The following CPPED1 variants were observed in gnomAD, a reference collection of about 807,000 sequenced individuals.
CPPED1 encodes calcineurin like phosphoesterase domain containing 1.
Under a neutral mutation model 28.0 loss-of-function variants are expected in CPPED1, and 28 were observed. That is an observed-to-expected ratio of 1.00 (90% CI 0.74 to 1.37). The LOEUF is 1.37. Among genes scored for constraint, CPPED1 ranks in the 40% most tolerant of loss-of-function variants. CPPED1 has a pLI of 0.00. For missense variants in CPPED1, 504 were observed against 416.5 expected (o/e 1.21, Z -1.83); for synonymous variants, 198 against 180.2 (o/e 1.10, Z -0.79).
intron 1 of CPPED1, among the ~76,000 whole-genome samples, chr16:12,788,281 G>A (rs1567306945): frequency 6.6e-6 from 1 of 152,196 alleles, no homozygotes; most frequent in Non-Finnish European, 1.5e-5. Flanking sequence ...ATGAACACCT[G>A]GAGGTGAAAT....
At chr16:12,668,368 A>T (rs2079836676) in intron 3 of CPPED1, among the ~76,000 whole-genome samples, 1 of 152,226 alleles carries the variant, frequency 6.6e-6, no homozygotes, top group Non-Finnish European at 1.5e-5. Context: ...TGGAAACTTA[A>T]AGCATATATA....
intron 2 of CPPED1, chr16:12,757,379 G>C (rs112484621): frequency 3.2e-4 from 49 of 152,126 alleles, no homozygotes; most frequent in African/African-American, 1.2e-3. Context: ...TCGGCCTACA[G>C]GGTTTGCCTA....
chr16:12,712,234 A>AACAT (rs1215921034), intron 2 of CPPED1, among the ~76,000 whole-genome samples: 1 of 152,146 alleles, frequency 6.6e-6, no homozygotes, highest in African/African-American at 2.4e-5. Context: ...CAGCCCTAAG[A>AACAT]GGTCCCTGGA....
rs149446826 is a variant in CPPED1, at chr16:12,759,861, T to C, written c.289+21324A>G. Among the ~76,000 whole-genome samples, 675 of 152,356 alleles carry C rather than the reference T, an allele frequency of 4.4e-3. 7 individuals carry two copies. The highest frequency in any genetic ancestry group is 0.02 in the Middle Eastern group (6 of 294). ...TGGAACTGTGAGACAATTAAACCCG[T>C]ATCAGGTGGTATCCTTATATCAGTG... On this transcript the variant is annotated intron_variant, in intron 2 of 3. Coordinates refer to ENST00000381774, the MANE Select transcript of CPPED1 (RefSeq NM_018340.3).
At chr16:12,689,115 T>C (rs184737278) in intron 3 of CPPED1, among the ~76,000 whole-genome samples, 27 of 152,104 alleles carry the variant, frequency 1.8e-4, no homozygotes, top group Admixed American at 7.9e-4. Flanking sequence ...CAGAGTACAA[T>C]GAGCTGTGGT....
intron 2 of CPPED1, among the ~76,000 whole-genome samples, chr16:12,730,254 G>A (rs2080190478): frequency 6.6e-6 from 1 of 152,022 alleles, no homozygotes; most frequent in Admixed American, 6.6e-5. Flanking sequence ...CTCCCACCTT[G>A]GCCTCCCAAA....
At chr16:12,689,186 C>G (rs1433686116) in intron 3 of CPPED1, among the ~76,000 whole-genome samples, 1 of 149,460 alleles carries the variant, frequency 6.7e-6, no homozygotes, top group Non-Finnish European at 1.5e-5. Context: ...TTCCTAAATG[C>G]CCATATATGA....
At chr16:12,738,890 C>T (rs567114829) in intron 2 of CPPED1, among the ~76,000 whole-genome samples, 59 of 152,162 alleles carry the variant, frequency 3.9e-4, no homozygotes, top group Non-Finnish European at 5.7e-4. Context: ...GCAGCTAAAC[C>T]CTGGCAGGCT....
chr16:12,688,673 G>A (rs1328705265), intron 3 of CPPED1, among the ~76,000 whole-genome samples: 1 of 152,082 alleles, frequency 6.6e-6, no homozygotes, highest in Non-Finnish European at 1.5e-5. Flanking sequence ...GTAATTCTCT[G>A]GTTTCTTTCC....
At chr16:12,801,955 G>C (rs35948928) in intron 1 of CPPED1, among the ~76,000 whole-genome samples, 1 of 152,138 alleles carries the variant, frequency 6.6e-6, no homozygotes, top group African/African-American at 2.4e-5. Context: ...GAGCGACCTT[G>C]ACCTTCAGGG....
At chr16:12,750,841 C>T (rs2080323230) in intron 2 of CPPED1, among the ~76,000 whole-genome samples, 2 of 151,854 alleles carry the variant, frequency 1.3e-5, no homozygotes, top group Non-Finnish European at 2.9e-5. Context: ...CGTGGTGCCT[C>T]ATGTCTATAC....
chr16:12,666,356 C>G (rs1445858049), intron 3 of CPPED1, among the ~76,000 whole-genome samples: 1 of 152,052 alleles, frequency 6.6e-6, no homozygotes, highest in African/African-American at 2.4e-5. Context: ...CTTAGAAGAT[C>G]ATAGAGACTG....
chr16:12,794,735 T>C (rs113147955), intron 1 of CPPED1, among the ~76,000 whole-genome samples: 3,432 of 152,256 alleles, frequency 0.023, 87 homozygotes, highest in African/African-American at 0.064. Flanking sequence ...CATTTTGCAA[T>C]AGGGATGCTC....
At chr16:12,704,483 A>C in intron 3 of CPPED1, 141 bp downstream of exon 3, 1 of 818,296 alleles carries the variant, frequency 1.2e-6, no homozygotes, top group Middle Eastern at 3.4e-4. Flanking sequence ...TGCAGTCTGC[A>C]AGTCCAAGAG....
intron 3 of CPPED1, among the ~76,000 whole-genome samples, chr16:12,667,876 T>C (rs2141164714): frequency 6.6e-6 from 1 of 152,260 alleles, no homozygotes; most frequent in East Asian, 1.9e-4. Flanking sequence ...ACACAGGTCC[T>C]CAGATAAAAA....
intron 2 of CPPED1, among the ~76,000 whole-genome samples, chr16:12,756,128 C>CAAA (rs138038115): frequency 0.04 from 5,784 of 145,634 alleles, 449 homozygotes; most frequent in African/African-American, 0.14. Flanking sequence ...GAAACTCCGT[C>CAAA]AAAAAAAACA....
rs2079848367 is a variant in CPPED1 at position 12,670,580 on chromosome 16, G to A, written c.716-5465C>T. Among the ~76,000 whole-genome samples, 2 of 152,066 alleles carry A rather than the reference G, an allele frequency of 1.3e-5. No individual in the cohort carries two copies. Among genetic ancestry groups the A allele is most frequent in the African/African-American group, 4.8e-5 (2 of 41,400 alleles). On this transcript the variant is annotated intron_variant, in intron 3 of 3. Transcript: ENST00000381774. This position sits in a 1 kb window ranked among gnomAD's most constrained non-coding sequence, Gnocchi z 4.2. ...CCAAAAGCGATAAGTCACATGATTA[G>A]TATGTGCTCTTGATATGAATGTGAT...
intron 3 of CPPED1, among the ~76,000 whole-genome samples, chr16:12,668,170 A>G (rs920836960): frequency 5.9e-5 from 9 of 152,212 alleles, no homozygotes; most frequent in African/African-American, 2.2e-4. Context: ...ATAAAAACTA[A>G]AAGTTTACCA....
chr16:12,714,959 AT>A (rs58231925), intron 2 of CPPED1, among the ~76,000 whole-genome samples: 77,119 of 149,214 alleles, frequency 0.52, 20,160 homozygotes, highest in Admixed American at 0.62. Flanking sequence ...TTTTGAGTTC[AT>A]TTTTTTTTTT....
Sources: gnomAD v4.1 joint callset for allele counts (sites outside exome capture counted in the v4.1 genomes callset) on GRCh38, gnomAD v4.1.1 for gene constraint, Gnocchi (gnomAD v3.1) non-coding constraint, MANE v1.5 for transcripts, NCBI Gene and HGNC (gene_info 2026-07-23, HGNC 2026-07-21) for gene names.